Variants in CEP152 observed in about 807,000 individuals in gnomAD.
CEP152 encodes centrosomal protein 152.
A neutral mutation model predicts 188.9 loss-of-function variants in CEP152; 132 were observed. The ratio of observed to expected loss-of-function variants is 0.70; its 90% CI spans 0.61 to 0.81. The LOEUF (loss-of-function observed/expected upper bound fraction) is 0.81. Ranked by LOEUF, CEP152 falls within the 30% of genes least tolerant of loss-of-function variation. The probability of loss-of-function intolerance (pLI) is 0.00; values close to 1 mark genes in which losing one functional copy is unlikely to be tolerated. For synonymous variants in CEP152, 649 were observed against 666.6 expected, an observed-to-expected ratio of 0.97 and a Z score of 0.41; for missense variants, 1,914 against 1,969.8, an observed-to-expected ratio of 0.97 and a Z score of 0.54.
chr15:48,742,221 C>T (rs1172837563), intron 24 of CEP152, 121 bp from the exon 25 acceptor site: 3 of 895,430 alleles, frequency 3.4e-6, no homozygotes, highest in African/African-American at 1.6e-5. Flanking sequence ...ATAGTTTAAA[C>T]ATTATACTTT....
chr15:48,741,490 T>C, intron 26 of CEP152, 111 bp downstream of exon 26: 1 of 1,591,372 alleles, frequency 6.3e-7, no homozygotes, highest in Non-Finnish European at 8.5e-7. Flanking sequence ...CATACAAAAC[T>C]TCACAAATTA....
chr15:48,739,285 A>G lies in CEP152; in HGVS notation c.4097T>C (p.Leu1366Pro), dbSNP rs770577582. The G allele has an allele frequency of 1.2e-6, 2 of 1,611,930 alleles. No individual in the cohort carries two copies. Among genetic ancestry groups the G allele is most frequent in the Admixed American group, 1.7e-5 (1 of 59,636 alleles). ...AATCAGCATCTCTGAAGTTAGGGGC[A>G]GTGCTATTATGTGCAAGGAAACACG... ...KSQSKTTQSA[L>P]PLTSEMLIAV... The change falls in exon 27 of 27, where the codon CTG (leucine) becomes CCG (proline). Residue 1366 changes from leucine to proline, a missense_variant. Leu to Pro is a moderately conservative substitution (Grantham distance 98). Transcript: ENST00000380950.
intron 17 of CEP152, among the ~76,000 whole-genome samples, chr15:48,763,799 C>T (rs1398401221): frequency 6.6e-6 from 1 of 152,158 alleles, no homozygotes; most frequent in Non-Finnish European, 1.5e-5. Context: ...ATTTCCTAAT[C>T]TCATTTGCTA....
chr15:48,734,234 T>C (rs1892521359), downstream of CEP152, among the ~76,000 whole-genome samples: 1 of 150,494 alleles, frequency 6.6e-6, no homozygotes, highest in Non-Finnish European at 1.5e-5. Context: ...TATACACACA[T>C]ACATATATAA....
In CEP152 at chr15:48,782,160, T is replaced by C. The variant is rs746288955; in HGVS notation, c.1392A>G (p.Ala464=). The C allele has an allele frequency of 1.2e-6, 2 of 1,613,958 alleles. No homozygotes were observed. Among genetic ancestry groups the C allele is most frequent in the African/African-American group, 1.3e-5 (1 of 75,056 alleles). The part of the protein sequence containing the change: ...QQAQKAHAMS[A]NMNKALQEEL... ...TCACTTGCAAAGCCTTGTTCATGTT[T>C]GCACTCATAGCATGTGCCTTCTGTG... is the stretch of plus-strand genomic sequence containing the variant. Residue 464 remains alanine, a synonymous_variant, in exon 11 of 27, where the codon GCA becomes GCG. Transcript: ENST00000380950.
chr15:48,753,241 G>C (rs1334913894), intron 20 of CEP152, among the ~76,000 whole-genome samples: 1 of 152,136 alleles, frequency 6.6e-6, no homozygotes, highest in African/African-American at 2.4e-5. Flanking sequence ...CAGTTCAAGC[G>C]ATTCTCCTGC....
At chr15:48,789,583 T>C (rs1595683168) in intron 8 of CEP152, among the ~76,000 whole-genome samples, 1 of 152,380 alleles carries the variant, frequency 6.6e-6, no homozygotes, top group African/African-American at 2.4e-5. Flanking sequence ...GGAATTAATA[T>C]GGCTAATTAG....
At chr15:48,810,370 G>A (rs944669156) in intron 1 of CEP152, 11 of 152,186 alleles carry the variant, frequency 7.2e-5, no homozygotes, top group African/African-American at 2.4e-4. Context: ...CACGATGAAG[G>A]GAAAGAAAAT....
chr15:48,767,066 C>T lies in CEP152; in HGVS notation c.2274G>A (p.Gln758=), dbSNP rs138140073. The T allele has an allele frequency of 2.9e-5, 46 of 1,612,868 alleles. No homozygotes were observed. In the East Asian group the frequency reaches 1.0e-3, roughly 36 times the overall value. Reference sequence around the variant, plus strand: ...ACATAAACTTGTACTGTACCTTCTCCTGAGTCTGTTGCTCCTTTTCAGTGG... The same window carrying T: ...ACATAAACTTGTACTGTACCTTCTCTTGAGTCTGTTGCTCCTTTTCAGTGG... ...RKTTEKEQQT[Q]EKIKEKLIQQ... The change falls in exon 17 of 27, where the codon CAG becomes CAA. Residue 758 remains glutamine, a synonymous_variant. Coordinates refer to ENST00000380950, the MANE Select transcript of CEP152 (RefSeq NM_001194998.2).
chr15:48,793,209 A>C, intron 7 of CEP152, 112 bp downstream of exon 7: 1 of 1,246,708 alleles, frequency 8.0e-7, no homozygotes, highest in African/African-American at 1.5e-5. Context: ...ACTCACTATG[A>C]GCCCTCTGAC....
Position 48,781,225 on chromosome 15 carries a change from C to G in CEP152, c.1548G>C (p.Lys516Asn), listed in dbSNP as rs1301310828. 1.9e-6 allele frequency: 3 copies of G among 1,613,252 alleles called. No homozygotes were observed. In the South Asian group the frequency reaches 3.3e-5, roughly 18 times the overall value. Residue 516 changes from lysine (K) to asparagine (N), a missense_variant, in exon 12 of 27, where the codon AAG becomes AAC. Transcript: ENST00000380950. ...TESYVDLGIK[K>N]VNWKKSKVTS... is the part of the protein sequence containing the mutation. The stretch of plus-strand genomic sequence containing the variant: ...TAACTTTGGATTTTTTCCAGTTGAC[C>G]TTTTTAATACCCAAATCCACATACG...
intron 12 of CEP152, 21 bp downstream of exon 12, chr15:48,781,175 A>T (rs541955425): frequency 6.2e-7 from 1 of 1,609,738 alleles, no homozygotes; most frequent in South Asian, 1.1e-5. Flanking sequence ...TCTACAGTAA[A>T]CTAAAATATT....
At chr15:48,774,508 GT>G (rs1289557979) in intron 12 of CEP152, among the ~76,000 whole-genome samples, 2 of 152,202 alleles carry the variant, frequency 1.3e-5, no homozygotes, top group African/African-American at 4.8e-5. Flanking sequence ...CCTGAATTCT[GT>G]GTATAAATTT....
chr15:48,755,740 A>T (rs543379859), intron 20 of CEP152, among the ~76,000 whole-genome samples, 163 bp downstream of exon 20: 2 of 152,328 alleles, frequency 1.3e-5, no homozygotes, highest in African/African-American at 4.8e-5. Context: ...GCAACGAAAC[A>T]TGCAAACCTT....
chr15:48,797,788 C>T (rs1332270598), intron 3 of CEP152, 58 bp from the exon 4 acceptor site: 2 of 1,582,178 alleles, frequency 1.3e-6, no homozygotes, highest in African/African-American at 1.3e-5. Context: ...ACATAGATAA[C>T]ACAAAGAACC....
intron 17 of CEP152, among the ~76,000 whole-genome samples, chr15:48,765,843 G>C (rs1018547187): frequency 3.3e-5 from 5 of 151,462 alleles, no homozygotes; most frequent in Middle Eastern, 6.8e-3. Flanking sequence ...TAGTAGAGAC[G>C]GGGTTTCACC....
At chr15:48,758,737 A>AAAAAAT (rs60447582) in intron 19 of CEP152, among the ~76,000 whole-genome samples, 1 of 149,908 alleles carries the variant, frequency 6.7e-6, no homozygotes, top group Non-Finnish European at 1.5e-5. Flanking sequence ...AAAAAAAAAA[A>AAAAAAT]GGCAAATTCC....
intron 5 of CEP152, 62 bp from the exon 6 acceptor site, chr15:48,796,222 T>C: frequency 6.3e-7 from 1 of 1,583,348 alleles, no homozygotes; most frequent in Non-Finnish European, 8.6e-7. Flanking sequence ...TTATCTGAAT[T>C]AGACACCTAA....
At chr15:48,774,360 C>T (rs1475908537) in intron 12 of CEP152, among the ~76,000 whole-genome samples, 1 of 151,940 alleles carries the variant, frequency 6.6e-6, no homozygotes, top group African/African-American at 2.4e-5. Context: ...CCACAAAACC[C>T]AGAAGTTTGG....
Sources: allele counts gnomAD v4.1 joint callset (sites outside exome capture counted in the v4.1 genomes callset), GRCh38; gene constraint gnomAD v4.1.1; transcripts MANE v1.5; gene names NCBI Gene and HGNC (gene_info 2026-07-23, HGNC 2026-07-21).